POU6F2: variants seen among roughly 807,000 people sequenced by gnomAD.
The protein encoded by POU6F2 is POU domain, class 6, transcription factor 2.
A neutral mutation model predicts 71.3 loss-of-function variants in POU6F2; 31 were observed. The observed-to-expected ratio is 0.43, with a 90% CI of 0.33 to 0.59. The LOEUF (loss-of-function observed/expected upper bound fraction) is 0.59, where lower values mean the gene tolerates loss of function less well. Ranked by LOEUF, POU6F2 falls within the 20% of genes least tolerant of loss-of-function variation. The pLI, the probability that POU6F2 is intolerant of heterozygous loss-of-function variation, is 0.04. For synonymous variants in POU6F2, 347 were observed against 355.7 expected, an observed-to-expected ratio of 0.98 and a Z score of 0.27; for missense variants, 783 against 856.8, an observed-to-expected ratio of 0.91 and a Z score of 1.07.
chr7:39,132,190 A>G (rs1045564564), intron 2 of POU6F2, among the ~76,000 whole-genome samples: 1 of 152,222 alleles, frequency 6.6e-6, no homozygotes, highest in Admixed American at 6.5e-5. Context: ...TCCAGATCAA[A>G]TGTAATTTGT....
At chr7:39,216,264 A>G (rs184726658) in intron 4 of POU6F2, among the ~76,000 whole-genome samples, 44 of 152,322 alleles carry the variant, frequency 2.9e-4, no homozygotes, top group Non-Finnish European at 6.0e-4. Context: ...TCTTTCCAAC[A>G]CTGAGATTCT....
chr7:39,265,070 C>G (rs1477283327), intron 4 of POU6F2, among the ~76,000 whole-genome samples: 1 of 152,152 alleles, frequency 6.6e-6, no homozygotes, highest in African/African-American at 2.4e-5. Flanking sequence ...GTGAAATAAA[C>G]AGAAAAGGTC....
At chr7:39,354,179 C>T (rs1472189947) in intron 5 of POU6F2, among the ~76,000 whole-genome samples, 1 of 152,248 alleles carries the variant, frequency 6.6e-6, no homozygotes, top group African/African-American at 2.4e-5. Flanking sequence ...TTCCAAGAGA[C>T]TGTACTATTG....
At chr7:39,445,844 G>GTCTAGACATAACAGAT (rs1788511246) in intron 7 of POU6F2, among the ~76,000 whole-genome samples, 1 of 152,148 alleles carries the variant, frequency 6.6e-6, no homozygotes, top group Non-Finnish European at 1.5e-5. Flanking sequence ...GGCTTCTTTT[G>GTCTAGACATAACAGAT]TCTAGACATA....
intron 1 of POU6F2, among the ~76,000 whole-genome samples, chr7:38,988,238 T>G (rs945746383): frequency 1.3e-5 from 2 of 152,106 alleles, no homozygotes; most frequent in Non-Finnish European, 2.9e-5. Context: ...TCTGCCTGCC[T>G]TTTAGAACCA....
chr7:39,187,848 C>G (rs747970138), intron 2 of POU6F2, among the ~76,000 whole-genome samples: 1 of 152,184 alleles, frequency 6.6e-6, no homozygotes, highest in Non-Finnish European at 1.5e-5. Flanking sequence ...TTGAAACCCC[C>G]TTGTCCTCTG....
intron 2 of POU6F2, 27 bp downstream of exon 2, chr7:39,086,058 A>G (rs768451690): frequency 6.2e-7 from 1 of 1,608,196 alleles, no homozygotes; most frequent in South Asian, 1.1e-5. Context: ...ATTTCATTTC[A>G]GTACTACCAT....
At chr7:39,446,221 T>C (rs1295194076) in intron 7 of POU6F2, among the ~76,000 whole-genome samples, 3 of 152,218 alleles carry the variant, frequency 2.0e-5, no homozygotes, top group African/African-American at 7.2e-5. Context: ...ATTGCCTCCA[T>C]TGCAGCACGG....
At chr7:39,407,398 G>A (rs890448628) in intron 6 of POU6F2, among the ~76,000 whole-genome samples, 3 of 150,466 alleles carry the variant, frequency 2.0e-5, no homozygotes, top group Non-Finnish European at 4.4e-5. Context: ...GAGAGGGTCT[G>A]TCCCCTCAAC....
intron 1 of POU6F2, among the ~76,000 whole-genome samples, chr7:38,998,834 T>TA (rs1788817301): frequency 7.4e-6 from 1 of 135,092 alleles, no homozygotes; most frequent in Admixed American, 7.3e-5. Context: ...TTTTTTTTTT[T>TA]TTTTTATTTT....
chr7:39,386,518 T>C (rs1286200739), intron 5 of POU6F2, among the ~76,000 whole-genome samples: 1 of 152,114 alleles, frequency 6.6e-6, no homozygotes, highest in Non-Finnish European at 1.5e-5. Flanking sequence ...GTTGCTCCTC[T>C]GAGGACAAGG....
At chr7:39,463,625 C>T (rs1398090071) in intron 9 of POU6F2, among the ~76,000 whole-genome samples, 6 of 151,980 alleles carry the variant, frequency 3.9e-5, no homozygotes, top group African/African-American at 1.2e-4. Context: ...AAATGAGACA[C>T]AAAAGAGAGA....
At chr7:39,348,249 C>T (rs572010220) in intron 5 of POU6F2, among the ~76,000 whole-genome samples, 2 of 104,256 alleles carry the variant, frequency 1.9e-5, no homozygotes, top group African/African-American at 6.0e-5. Context: ...CTCACTTCTG[C>T]CAATAACTAG....
intron 5 of POU6F2, among the ~76,000 whole-genome samples, chr7:39,399,750 T>G (rs1787254989): frequency 6.6e-6 from 1 of 151,402 alleles, no homozygotes; most frequent in African/African-American, 2.4e-5. Flanking sequence ...CTTGGGAGGC[T>G]GAGGTGGGAG....
At chr7:39,285,513 C>T (rs1583497356) in intron 4 of POU6F2, among the ~76,000 whole-genome samples, 1 of 152,130 alleles carries the variant, frequency 6.6e-6, no homozygotes, top group African/African-American at 2.4e-5. Context: ...GGGAAAGTTG[C>T]CAGCTTGTTT....
At chr7:39,418,237 A>G (rs940496811) in intron 6 of POU6F2, among the ~76,000 whole-genome samples, 2 of 152,246 alleles carry the variant, frequency 1.3e-5, no homozygotes, top group African/African-American at 4.8e-5. Context: ...CATAAAGACC[A>G]TAAATACAGT....
chr7:39,303,246 C>T (rs150165290), intron 4 of POU6F2, among the ~76,000 whole-genome samples: 2 of 152,134 alleles, frequency 1.3e-5, no homozygotes, highest in Admixed American at 1.3e-4. Flanking sequence ...CTCCCGGGCT[C>T]GTGCCATTCT....
At chr7:39,338,437 G>A (rs2115607428) in intron 4 of POU6F2, among the ~76,000 whole-genome samples, 1 of 152,168 alleles carries the variant, frequency 6.6e-6, no homozygotes, top group East Asian at 1.9e-4. Flanking sequence ...CTACACGCAA[G>A]GCAGGCCACA....
Position 39,025,897 on chromosome 7 carries a change from T to G in POU6F2, c.105+47839T>G, listed in dbSNP as rs1429952677. 2.0e-5 allele frequency among the ~76,000 whole-genome samples: 3 copies of G among 151,606 alleles called. No homozygotes were observed. In the East Asian group the frequency reaches 5.8e-4, roughly 30 times the overall value. ...GAATCTACAATGAACTCAAACAAATTTACAAGAAAAAAACAAACAACCCCA... is the reference window on the plus strand; with the variant it reads ...GAATCTACAATGAACTCAAACAAATGTACAAGAAAAAAACAAACAACCCCA... On this transcript the variant is annotated intron_variant, in intron 1 of 9. Coordinates refer to ENST00000518318, the MANE Select transcript of POU6F2 (RefSeq NM_001370959.1).
Sources: gnomAD v4.1 joint callset for allele counts (sites outside exome capture counted in the v4.1 genomes callset) on GRCh38, gnomAD v4.1.1 for gene constraint, MANE v1.5 for transcripts, NCBI Gene and HGNC (gene_info 2026-07-23, HGNC 2026-07-21) for gene names.